GPR137C: variants seen among roughly 807,000 people sequenced by gnomAD.
GPR137C encodes the protein G protein-coupled receptor 137C.
A neutral mutation model predicts 43.4 loss-of-function variants in GPR137C; 27 were observed. The ratio of observed to expected loss-of-function variants is 0.62; its 90% CI spans 0.46 to 0.86. The LOEUF is 0.86. Among genes scored for constraint, GPR137C ranks in the 40% least tolerant of loss-of-function variants. GPR137C has a pLI of 0.00. For synonymous variants in GPR137C, 285 were observed against 226.9 expected (o/e 1.26, Z -2.30); for missense variants, 522 against 534.6 (o/e 0.98, Z 0.23).
At chr14:52,593,004 C>T (rs958635166) in intron 1 of GPR137C, among the ~76,000 whole-genome samples, 5 of 152,156 alleles carry the variant, frequency 3.3e-5, no homozygotes, top group African/African-American at 1.2e-4. Context: ...AGATATGTTG[C>T]ATCAATTCCT....
chr14:52,575,287 CAG>C (rs1241885806), intron 1 of GPR137C, among the ~76,000 whole-genome samples: 2 of 152,126 alleles, frequency 1.3e-5, no homozygotes, highest in Non-Finnish European at 2.9e-5. Context: ...CCCAGCTACT[CAG>C]GGGGCTGAGG....
intron 3 of GPR137C, among the ~76,000 whole-genome samples, chr14:52,606,861 G>A (rs2038989152): frequency 6.6e-6 from 1 of 151,336 alleles, no homozygotes; most frequent in Non-Finnish European, 1.5e-5. Context: ...TTGCTTTTCT[G>A]TTTCCTTGAG....
At chr14:52,612,046 C>A (rs1417553609) in intron 3 of GPR137C, 4 of 985,242 alleles carry the variant, frequency 4.1e-6, no homozygotes, top group Non-Finnish European at 4.8e-6. Context: ...TTGTTTTTCA[C>A]TGTTATTTGT....
chr14:52,565,416 C>G (rs1412654800), intron 1 of GPR137C, among the ~76,000 whole-genome samples: 1 of 152,050 alleles, frequency 6.6e-6, no homozygotes, highest in Non-Finnish European at 1.5e-5. Context: ...GTAATTTATA[C>G]CTTATGGAAA....
At chr14:52,614,479 G>A (rs2039076186) in intron 3 of GPR137C, among the ~76,000 whole-genome samples, 1 of 151,888 alleles carries the variant, frequency 6.6e-6, no homozygotes, top group South Asian at 2.1e-4. Context: ...CAAAGCTTTT[G>A]ACCATTTTTA....
chr14:52,559,518 ATTAAC>A (rs2038247617), intron 1 of GPR137C, among the ~76,000 whole-genome samples: 1 of 152,352 alleles, frequency 6.6e-6, no homozygotes, highest in Non-Finnish European at 1.5e-5. Flanking sequence ...ATTTTTTAAA[ATTAAC>A]TTTTAGTAAA....
intron 4 of GPR137C, among the ~76,000 whole-genome samples, chr14:52,632,823 C>T (rs779869226): frequency 1.3e-5 from 2 of 152,034 alleles, no homozygotes; most frequent in African/African-American, 4.8e-5. Context: ...TATTTGCTAT[C>T]GTAATTCCCA....
chr14:52,607,750 C>T (rs1195042589), intron 3 of GPR137C, among the ~76,000 whole-genome samples: 1 of 152,244 alleles, frequency 6.6e-6, no homozygotes, highest in Non-Finnish European at 1.5e-5. Flanking sequence ...TGGCGCATGC[C>T]TGTAATCCCA....
At chr14:52,621,535 A>G (rs1328855879) in intron 3 of GPR137C, among the ~76,000 whole-genome samples, 1 of 151,858 alleles carries the variant, frequency 6.6e-6, no homozygotes, top group Non-Finnish European at 1.5e-5. Context: ...TCTTTAAAAT[A>G]TGATTATGCA....
intron 1 of GPR137C, among the ~76,000 whole-genome samples, chr14:52,580,993 G>T (rs990560645): frequency 1.3e-5 from 2 of 151,154 alleles, no homozygotes; most frequent in East Asian, 3.9e-4. Flanking sequence ...GAAGTCAGGA[G>T]TTTGAGACCA....
chr14:52,563,339 C>T (rs1468884317), intron 1 of GPR137C, among the ~76,000 whole-genome samples: 1 of 151,184 alleles, frequency 6.6e-6, no homozygotes, highest in Non-Finnish European at 1.5e-5. Flanking sequence ...ACAGATGACT[C>T]ACACTTATCT....
intron 3 of GPR137C, among the ~76,000 whole-genome samples, chr14:52,629,610 C>T (rs1166054891): frequency 6.6e-6 from 1 of 152,302 alleles, no homozygotes; most frequent in East Asian, 1.9e-4. Flanking sequence ...TCTATGGTGC[C>T]ACTTACATGA....
chr14:52,630,037 G>A (rs940926430), intron 3 of GPR137C, among the ~76,000 whole-genome samples: 3 of 152,092 alleles, frequency 2.0e-5, no homozygotes, highest in Admixed American at 6.6e-5. Context: ...TTCGACTTTC[G>A]ATAACACTTT....
intron 1 of GPR137C, among the ~76,000 whole-genome samples, chr14:52,570,124 C>G (rs1185056238): frequency 6.6e-6 from 1 of 152,106 alleles, no homozygotes; most frequent in African/African-American, 2.4e-5. Flanking sequence ...AAAGGGAAGC[C>G]CATCAGACTA....
chr14:52,572,934 G>A (rs2038494009), intron 1 of GPR137C, among the ~76,000 whole-genome samples: 1 of 151,826 alleles, frequency 6.6e-6, no homozygotes, highest in African/African-American at 2.4e-5. Context: ...AAAATCACAA[G>A]CATTCCTATA....
chr14:52,570,216 T>C (rs2038444047), intron 1 of GPR137C, among the ~76,000 whole-genome samples: 2 of 152,128 alleles, frequency 1.3e-5, no homozygotes, highest in African/African-American at 4.8e-5. Flanking sequence ...AAAAGAATTT[T>C]CAACCCAGAA....
At chr14:52,564,255 A>G (rs552177244) in intron 1 of GPR137C, among the ~76,000 whole-genome samples, 2 of 144,278 alleles carry the variant, frequency 1.4e-5, no homozygotes, top group South Asian at 4.6e-4. Flanking sequence ...ACCCTGGGCA[A>G]CAGAGTGAGA....
chr14:52,566,469 C>G (rs1196400579), intron 1 of GPR137C, among the ~76,000 whole-genome samples: 1 of 152,132 alleles, frequency 6.6e-6, no homozygotes, highest in Non-Finnish European at 1.5e-5. Flanking sequence ...TATTTTTTCT[C>G]TCTCCAAGAG....
At chr14:52,633,495 A>C in intron 4 of GPR137C, 35 bp from the exon 5 acceptor site, 1 of 1,597,426 alleles carries the variant, frequency 6.3e-7, no homozygotes. Context: ...TACAATAAAC[A>C]GATGTAAAAA....
Sources: gnomAD v4.1 joint callset for allele counts (sites outside exome capture counted in the v4.1 genomes callset) on GRCh38, gnomAD v4.1.1 for gene constraint, MANE v1.5 for transcripts, NCBI Gene and HGNC (gene_info 2026-07-23, HGNC 2026-07-21) for gene names.